The following XKR6 variants were observed in gnomAD, a reference collection of about 807,000 sequenced individuals.
XKR6 encodes XK related 6.
XKR6 carries 22 observed loss-of-function variants against 56.7 expected under a neutral mutation model. The ratio of observed to expected loss-of-function variants is 0.39; its 90% confidence interval spans 0.28 to 0.55. The LOEUF is 0.55. Among genes scored for constraint, XKR6 ranks in the 20% least tolerant of loss-of-function variants. The pLI is 0.66. For synonymous variants in XKR6, 524 were observed against 387.8 expected (o/e 1.35, Z -4.13); for missense variants, 852 against 889.0 (o/e 0.96, Z 0.53).
chr8:11,031,892 TC>T (rs1447853919), intron 1 of XKR6, among the ~76,000 whole-genome samples: 2 of 152,180 alleles, frequency 1.3e-5, no homozygotes, highest in Admixed American at 1.3e-4. Flanking sequence ...CCCAGCCCAG[TC>T]CCCAGCCTAT....
chr8:10,915,860 G>C (rs1432515350), intron 2 of XKR6, among the ~76,000 whole-genome samples: 1 of 152,226 alleles, frequency 6.6e-6, no homozygotes, highest in Non-Finnish European at 1.5e-5. Flanking sequence ...GGTCTGTGCT[G>C]CGTCTCTCTC....
At chr8:10,946,241 G>A (rs970331713) in intron 1 of XKR6, among the ~76,000 whole-genome samples, 4 of 152,020 alleles carry the variant, frequency 2.6e-5, no homozygotes, top group African/African-American at 7.3e-5. Context: ...CTGCCCACAG[G>A]AGGGAAACAC....
rs530697070 is a variant in XKR6, at chr8:11,097,458, C to T, written c.764+103118G>A. Among the ~76,000 whole-genome samples the T allele has an allele frequency of 1.7e-4, 24 of 144,910 alleles. No individual in the cohort carries two copies. In the East Asian group the frequency reaches 3.7e-3, roughly 23 times the overall value. ...GATAATACCAGCACTGCTGAACACA[C>T]AGGGCAATATTTTCTTTTTTTTTTT... On this transcript the variant is annotated intron_variant, in intron 1 of 2. Transcript: ENST00000416569.
intron 1 of XKR6, among the ~76,000 whole-genome samples, chr8:11,131,152 A>G (rs1800084131): frequency 6.6e-6 from 1 of 152,198 alleles, no homozygotes; most frequent in African/African-American, 2.4e-5. Context: ...ACTGTATTGA[A>G]TTCAGCATTT....
At chr8:10,901,051 ACTTCTTTTTTTTTTT>A (rs1800022996) in intron 2 of XKR6, among the ~76,000 whole-genome samples, 1 of 109,082 alleles carries the variant, frequency 9.2e-6, no homozygotes, top group Non-Finnish European at 1.9e-5. Context: ...CAGAGTTTCT[ACTTCTTTTTTTTTTT>A]TTTTTTTAAG....
At chr8:10,900,718 G>C (rs1431016166) in intron 2 of XKR6, among the ~76,000 whole-genome samples, 3 of 152,196 alleles carry the variant, frequency 2.0e-5, no homozygotes, top group Non-Finnish European at 4.4e-5. Context: ...TCTCATGTGT[G>C]TCTGCAGTGG....
chr8:11,024,968 G>T (rs549379391), intron 1 of XKR6, among the ~76,000 whole-genome samples: 5 of 152,338 alleles, frequency 3.3e-5, no homozygotes, highest in African/African-American at 1.2e-4. Context: ...TAAAGTGGCT[G>T]CCTCAGGCCC....
chr8:11,027,062 G>A (rs577127001), intron 1 of XKR6, among the ~76,000 whole-genome samples: 11 of 152,158 alleles, frequency 7.2e-5, no homozygotes, highest in Admixed American at 2.0e-4. Flanking sequence ...TACTACACAC[G>A]TAGATGGCGT....
At chr8:10,904,671 G>A (rs1010180736) in intron 2 of XKR6, among the ~76,000 whole-genome samples, 1 of 152,170 alleles carries the variant, frequency 6.6e-6, no homozygotes, top group Non-Finnish European at 1.5e-5. Context: ...AGCTGCATCA[G>A]GGGGCCAGCA....
chr8:11,181,642 G>A (rs558825249), intron 1 of XKR6, among the ~76,000 whole-genome samples: 7 of 152,208 alleles, frequency 4.6e-5, no homozygotes, highest in Non-Finnish European at 8.8e-5. Flanking sequence ...TATAAAGGAA[G>A]AAAATTTGGT....
chr8:11,063,465 CT>C (rs1799897118), intron 1 of XKR6, among the ~76,000 whole-genome samples: 1 of 150,644 alleles, frequency 6.6e-6, no homozygotes, highest in African/African-American at 2.5e-5. Flanking sequence ...ACCATCTCAC[CT>C]CTGCATTATT....
intron 1 of XKR6, among the ~76,000 whole-genome samples, chr8:11,132,103 C>T (rs1467987128): frequency 2.0e-5 from 3 of 152,094 alleles, no homozygotes; most frequent in African/African-American, 7.3e-5. Flanking sequence ...GATTCTGATG[C>T]AGTAGGTCTG....
At chr8:11,015,073 C>T (rs1022893723) in intron 1 of XKR6, among the ~76,000 whole-genome samples, 1 of 152,172 alleles carries the variant, frequency 6.6e-6, no homozygotes, top group Non-Finnish European at 1.5e-5. Context: ...ACAGACAAAA[C>T]TCATCTACGA....
At chr8:11,146,091 T>C (rs1426486448) in intron 1 of XKR6, among the ~76,000 whole-genome samples, 1 of 152,148 alleles carries the variant, frequency 6.6e-6, no homozygotes, top group African/African-American at 2.4e-5. Context: ...AAAGAAAGAA[T>C]AGCCTTTCAA....
intron 1 of XKR6, among the ~76,000 whole-genome samples, chr8:11,190,705 C>T (rs914680651): frequency 6.6e-6 from 1 of 152,166 alleles, no homozygotes; most frequent in Non-Finnish European, 1.5e-5. Context: ...GAATATCATT[C>T]CTCCATCTTC....
chr8:11,115,678 G>A (rs1799137299), intron 1 of XKR6, among the ~76,000 whole-genome samples: 2 of 152,038 alleles, frequency 1.3e-5, no homozygotes, highest in African/African-American at 2.4e-5. Flanking sequence ...TTCAAATTAA[G>A]CTCCATGTTC....
At chr8:11,071,388 C>T (rs981516920) in intron 1 of XKR6, among the ~76,000 whole-genome samples, 9 of 152,264 alleles carry the variant, frequency 5.9e-5, no homozygotes, top group Middle Eastern at 3.4e-3. Context: ...TACAGGCACG[C>T]GCCACCATGC....
chr8:11,027,315 T>C (rs1215305603), intron 1 of XKR6, among the ~76,000 whole-genome samples: 1 of 152,236 alleles, frequency 6.6e-6, no homozygotes, highest in Admixed American at 6.5e-5. Flanking sequence ...TGACTATGTA[T>C]ATTGGGTTAA....
At chr8:10,946,724 G>A (rs1801556506) in intron 1 of XKR6, among the ~76,000 whole-genome samples, 1 of 152,094 alleles carries the variant, frequency 6.6e-6, no homozygotes, top group Non-Finnish European at 1.5e-5. Flanking sequence ...TAGGCACAGG[G>A]GACCCAGCAT....
Sources: allele counts gnomAD v4.1 joint callset (sites outside exome capture counted in the v4.1 genomes callset), GRCh38; gene constraint gnomAD v4.1.1; transcripts MANE v1.5; gene names NCBI Gene and HGNC (gene_info 2026-07-23, HGNC 2026-07-21).